The following RIPOR3 variants were observed in gnomAD, a reference collection of about 807,000 sequenced individuals.
The protein encoded by RIPOR3 is family with sequence similarity 65 member C.
Under a neutral mutation model 114.3 loss-of-function variants are expected in RIPOR3, and 95 were observed. That is an observed-to-expected ratio of 0.83 (90% CI 0.70 to 0.99). The LOEUF is 0.99. RIPOR3 is among the 50% of genes least tolerant of loss of function. The pLI is 0.00. For synonymous variants in RIPOR3, 575 were observed against 543.8 expected (o/e 1.06, Z -0.80); for missense variants, 1,252 against 1,266.9 (o/e 0.99, Z 0.18).
chr20:50,625,613 C>T (rs564896977), intron 2 of RIPOR3, among the ~76,000 whole-genome samples: 1 of 152,272 alleles, frequency 6.6e-6, no homozygotes, highest in Admixed American at 6.5e-5. Flanking sequence ...GCCATCCCAA[C>T]AGAGGAATTC....
intron 3 of RIPOR3, among the ~76,000 whole-genome samples, chr20:50,619,495 C>T (rs922434960): frequency 2.6e-4 from 40 of 152,084 alleles, no homozygotes; most frequent in African/African-American, 7.7e-4. Context: ...GTGCAGGCCT[C>T]GGCCCAGCTC....
At chr20:50,619,687 G>A (rs1041013055) in intron 3 of RIPOR3, among the ~76,000 whole-genome samples, 1 of 152,196 alleles carries the variant, frequency 6.6e-6, no homozygotes, top group African/African-American at 2.4e-5. Context: ...CAGCACAGGT[G>A]GAAGTTCTAT....
At chr20:50,626,050 C>T (rs1244623442) in intron 2 of RIPOR3, among the ~76,000 whole-genome samples, 1 of 152,246 alleles carries the variant, frequency 6.6e-6, no homozygotes, top group Non-Finnish European at 1.5e-5. Context: ...GCCCTGCCCT[C>T]CTGCCAGGTT....
At chr20:50,688,837 G>T (rs2087112954) in intron 1 of RIPOR3, among the ~76,000 whole-genome samples, 1 of 152,122 alleles carries the variant, frequency 6.6e-6, no homozygotes, top group East Asian at 1.9e-4. Context: ...GTTCACAAAG[G>T]CACTCGAAAT....
At chr20:50,657,457 G>A (rs2085850420) in intron 1 of RIPOR3, among the ~76,000 whole-genome samples, 1 of 152,132 alleles carries the variant, frequency 6.6e-6, no homozygotes, top group South Asian at 2.1e-4. Context: ...AACCTGGGAG[G>A]TGGAGGTTGC....
rs1568828429 is a variant in RIPOR3 at position 50,597,684 on chromosome 20, G to C, written c.1686C>G (p.Thr562=). Residue 562 remains threonine, a synonymous_variant, in exon 14 of 22, where the codon ACC becomes ACG. Coordinates refer to ENST00000327979, the MANE Select transcript of RIPOR3 (RefSeq NM_001290268.2). ...TGCACTCCATCAGGCTCTCGGCCGA[G>C]GTGTGCTCCTGCCGTGCTCTGCAGG... ...LKPCRARQEH[T]SAESLMECIL... 6.2e-7 allele frequency: 1 copy of C among 1,611,982 alleles called. No individual in the cohort carries two copies. The highest frequency in any genetic ancestry group is 1.3e-5 in the African/African-American group (1 of 75,014).
intron 1 of RIPOR3, among the ~76,000 whole-genome samples, chr20:50,684,176 G>A (rs929060261): frequency 3.7e-5 from 5 of 134,734 alleles, no homozygotes; most frequent in African/African-American, 1.3e-4. Context: ...ATGATGAGAC[G>A]TGTGTGGTAA....
At chr20:50,643,738 C>T (rs1410828497) in intron 1 of RIPOR3, among the ~76,000 whole-genome samples, 1 of 143,068 alleles carries the variant, frequency 7.0e-6, no homozygotes, top group Non-Finnish European at 1.5e-5. Context: ...TGGAGCCTCA[C>T]TCTGTCGCCC....
intron 1 of RIPOR3, among the ~76,000 whole-genome samples, chr20:50,658,511 C>T (rs977510970): frequency 2.6e-4 from 39 of 152,200 alleles, no homozygotes; most frequent in African/African-American, 7.0e-4. Context: ...AGTTTGAGAC[C>T]AGCCTGGACA....
chr20:50,640,002 C>T (rs1430089615), intron 1 of RIPOR3, among the ~76,000 whole-genome samples: 2 of 150,462 alleles, frequency 1.3e-5, no homozygotes, highest in East Asian at 3.9e-4. Flanking sequence ...CGGACCTGGG[C>T]TGGAGGGTTC....
chr20:50,592,859 C>T (rs539417527), intron 18 of RIPOR3, among the ~76,000 whole-genome samples, 176 bp downstream of exon 18: 2 of 152,344 alleles, frequency 1.3e-5, no homozygotes, highest in African/African-American at 4.8e-5. Flanking sequence ...GCTGACTTCC[C>T]TTGGAGCTAA....
rs1048688200 is a variant in RIPOR3, at chr20:50,609,609, C to A, written c.540G>T (p.Leu180=). Residue 180 remains leucine (L), a synonymous_variant, in exon 7 of 22, where the codon CTG becomes CTT. Transcript: ENST00000327979. ...CGTGCAGGCTGCGGCCCAGCTCCTG[C>A]AGGCTCTCTCGGGCTGCGCGGCTCG... The part of the protein sequence containing the change: ...CPPSRAARES[L]QELGRSLHEC... 9 of 1,415,548 alleles carry A rather than the reference C, an allele frequency of 6.4e-6. No homozygotes were observed. The African/African-American group carries it at 1.3e-4, about 21-fold the overall frequency. 87.7% of individuals were successfully genotyped at this position (1,415,548 alleles called of 1,614,324 possible). A position where few individuals can be genotyped will look rare whatever the true frequency, so the allele number is the denominator to read the frequency against.
chr20:50,594,847 C>T (rs2083235418), intron 16 of RIPOR3, 133 bp from the exon 17 acceptor site: 1 of 1,004,984 alleles, frequency 1.0e-6, no homozygotes, highest in Non-Finnish European at 1.4e-6. Flanking sequence ...GAGGTCCCTT[C>T]CCTGCATTCC....
rs543680192 is a variant in RIPOR3, at chr20:50,689,604, T to G, written c.3+1522A>C. Reference sequence around the variant, plus strand: ...TTGCGGAGAGATTTTAGAGGTTTCCTGAAATAGTCCCTTTGTTTTAAAGAC... The same window carrying G: ...TTGCGGAGAGATTTTAGAGGTTTCCGGAAATAGTCCCTTTGTTTTAAAGAC... On this transcript the variant is annotated intron_variant, in intron 1 of 21. Transcript: ENST00000327979. Among the ~76,000 whole-genome samples the G allele has an allele frequency of 1.1e-3, 171 of 152,284 alleles. 3 individuals carry two copies. The highest frequency in any genetic ancestry group is 6.8e-3 in the Middle Eastern group (2 of 294).
At chr20:50,644,845 T>G (rs1394457567) in intron 1 of RIPOR3, among the ~76,000 whole-genome samples, 2 of 41,768 alleles carry the variant, frequency 4.8e-5, no homozygotes, top group African/African-American at 1.3e-3. Context: ...TTATTTTTTA[T>G]TTTTTTTTTT....
intron 2 of RIPOR3, among the ~76,000 whole-genome samples, chr20:50,627,373 G>A (rs1362982538): frequency 6.6e-6 from 1 of 151,318 alleles, no homozygotes; most frequent in Non-Finnish European, 1.5e-5. Context: ...TAACTGGCAT[G>A]GTGAGGCACA....
rs768453919 is a variant in RIPOR3 at position 50,592,560 on chromosome 20, AAG to A, written c.2375-16_2375-15del. ...CGATGAGTGTCACTAGAAGACAGGA[AAG>A]AGGTGGGCCCAGGTCCCCTGAATGG... On this transcript the variant is annotated splice_polypyrimidine_tract_variant and intron_variant, in intron 18 of 21. Coordinates refer to ENST00000327979, the MANE Select transcript of RIPOR3 (RefSeq NM_001290268.2). The A allele has an allele frequency of 4.7e-6, 7 of 1,497,580 alleles. No homozygotes were observed. The Admixed American group carries it at 1.3e-4, about 28-fold the overall frequency. The allele number at this position is 1,497,580 out of a possible 1,614,324, so 92.8% of individuals were successfully genotyped here. A position where few individuals can be genotyped will look rare whatever the true frequency, so the allele number is the denominator to read the frequency against.
chr20:50,642,560 G>C (rs1354643580), intron 1 of RIPOR3, among the ~76,000 whole-genome samples: 3 of 151,708 alleles, frequency 2.0e-5, no homozygotes, highest in Non-Finnish European at 4.4e-5. Context: ...TCCCAGCCAG[G>C]CTGCAAAGTC....
At chr20:50,594,894 T>TA in intron 16 of RIPOR3, 180 bp from the exon 17 acceptor site, 2 of 621,044 alleles carry the variant, frequency 3.2e-6, no homozygotes. Flanking sequence ...CTAAGCATCT[T>TA]ACCAGGGCCA....
Sources: gnomAD v4.1 joint callset for allele counts (sites outside exome capture counted in the v4.1 genomes callset) on GRCh38, gnomAD v4.1.1 for gene constraint, MANE v1.5 for transcripts, NCBI Gene and HGNC (gene_info 2026-07-23, HGNC 2026-07-21) for gene names.